Variants in PBK observed in about 807,000 individuals in gnomAD.
PBK encodes PDZ binding kinase, also known as lymphokine-activated killer T-cell-originated protein kinase.
PBK carries 22 observed loss-of-function variants against 33.5 expected under a neutral mutation model. The observed-to-expected ratio is 0.66, with a 90% CI of 0.47 to 0.94. The LOEUF is 0.94. Among genes scored for constraint, PBK ranks in the 40% least tolerant of loss-of-function variants. The pLI is 0.00. For synonymous variants in PBK, 129 were observed against 123.8 expected (o/e 1.04, Z -0.28); for missense variants, 376 against 383.4 (o/e 0.98, Z 0.16).
At chr8:27,816,578 G>A (rs1041861071) in intron 6 of PBK, among the ~76,000 whole-genome samples, 5 of 151,406 alleles carry the variant, frequency 3.3e-5, no homozygotes, top group African/African-American at 1.2e-4. Flanking sequence ...GGGTTTCACT[G>A]TGTTAGCCAG....
rs1805687424 is a variant in PBK, at chr8:27,811,688, C to CCATT, written c.596-555_596-554insAATG. 2.0e-5 allele frequency among the ~76,000 whole-genome samples: 3 copies of CCATT among 152,210 alleles called. No homozygotes were observed. The South Asian group carries it at 6.2e-4, about 32-fold the overall frequency. ...TTGTCAATTTCAATGAAAAAGCCAG[C>CCATT]TAAAATTCTCATTAGGATTGGACTA... On this transcript the variant is annotated intron_variant, in intron 6 of 7. Coordinates refer to ENST00000301905, the MANE Select transcript of PBK (RefSeq NM_018492.4).
At chr8:27,819,488 A>G (rs1450333254) in intron 6 of PBK, among the ~76,000 whole-genome samples, 1 of 152,088 alleles carries the variant, frequency 6.6e-6, no homozygotes, top group Non-Finnish European at 1.5e-5. Context: ...AGTGTTTTAA[A>G]TTCCTAAAAA....
At chr8:27,833,331 G>A (rs1481062504) in intron 1 of PBK, among the ~76,000 whole-genome samples, 198 bp from the exon 2 acceptor site, 1 of 152,084 alleles carries the variant, frequency 6.6e-6, no homozygotes, top group Non-Finnish European at 1.5e-5. Context: ...CCAATATGGA[G>A]AAACCCCGTC....
intron 1 of PBK, among the ~76,000 whole-genome samples, chr8:27,836,904 A>G (rs1270436464): frequency 1.3e-5 from 2 of 152,150 alleles, no homozygotes. Flanking sequence ...ACTTTTTTCC[A>G]GACTGCACAC....
chr8:27,825,652 C>T (rs963446319), intron 3 of PBK, among the ~76,000 whole-genome samples: 1 of 152,042 alleles, frequency 6.6e-6, no homozygotes, highest in African/African-American at 2.4e-5. Context: ...ACTAAATGCT[C>T]AATGAGTTTT....
At chr8:27,826,744 C>G (rs1173713397) in intron 3 of PBK, among the ~76,000 whole-genome samples, 2 of 105,712 alleles carry the variant, frequency 1.9e-5, no homozygotes, top group Admixed American at 9.1e-5. Context: ...TGCAGTGAGC[C>G]GAGATCGCGC....
chr8:27,834,179 C>G (rs1021000241), intron 1 of PBK, among the ~76,000 whole-genome samples: 1 of 152,072 alleles, frequency 6.6e-6, no homozygotes, highest in Non-Finnish European at 1.5e-5. Context: ...CAGCGCCCAC[C>G]ACCACACCTG....
At chr8:27,830,852 G>A (rs999483239) in intron 2 of PBK, among the ~76,000 whole-genome samples, 2 of 152,068 alleles carry the variant, frequency 1.3e-5, no homozygotes, top group Non-Finnish European at 2.9e-5. Context: ...ATATAAAGAC[G>A]CAAATAGGGC....
Position 27,822,404 on chromosome 8 carries a change from A to G in PBK, c.380T>C (p.Ile127Thr), listed in dbSNP as rs201842147. 8.1e-6 allele frequency: 13 copies of G among 1,613,172 alleles called. No homozygotes were observed. The Admixed American group carries it at 1.2e-4, about 14-fold the overall frequency. ...TTGGCTGGCTTTATATCGTTCTTCT[A>G]TTAAGTCATTTAGAGACTTTTCACC... ...YGGEKSLNDL[I>T]EERYKASQDP... Residue 127 changes from isoleucine to threonine, a missense_variant, in exon 5 of 8, where the codon ATA (isoleucine) becomes ACA (threonine). By Grantham distance (89) the Ile-to-Thr change is moderately conservative. Transcript: ENST00000301905.
intron 6 of PBK, among the ~76,000 whole-genome samples, chr8:27,819,054 A>G (rs747622604): frequency 3.3e-5 from 5 of 152,040 alleles, no homozygotes; most frequent in Non-Finnish European, 5.9e-5. Flanking sequence ...CTCATGTTCT[A>G]TTTTTCTGCC....
chr8:27,813,021 G>A (rs886440985), intron 6 of PBK, among the ~76,000 whole-genome samples: 8 of 152,120 alleles, frequency 5.3e-5, no homozygotes, highest in East Asian at 1.9e-4. Flanking sequence ...ACATGTACAC[G>A]TTTATGTTTA....
At chr8:27,816,039 T>C (rs1261490593) in intron 6 of PBK, among the ~76,000 whole-genome samples, 1 of 152,168 alleles carries the variant, frequency 6.6e-6, no homozygotes, top group Non-Finnish European at 1.5e-5. Flanking sequence ...TGAAAAATGA[T>C]GAAACTGGAG....
At position 27,823,203 on chromosome 8, in the gene PBK, G is replaced by A. The variant is rs1443900189; in HGVS notation, c.155C>T (p.Ser52Phe). The A allele has an allele frequency of 1.3e-6, 2 of 1,488,200 alleles. No homozygotes were observed. Among genetic ancestry groups the A allele is most frequent in the East Asian group, 2.4e-5 (1 of 42,258 alleles). 92.2% of individuals were successfully genotyped at this position (1,488,200 alleles called of 1,614,324 possible). ...AGGAGAATGAGACAAACCTCTTGGA[G>A]ATCTAAGAAAAAAATTCATTTAAAA... ...TGVNVYLMKR[S>F]PRGLSHSPWA... is the part of the protein sequence containing the mutation. The change falls in exon 4 of 8, where the codon TCT becomes TTT. Residue 52 changes from serine (S) to phenylalanine (F), a missense_variant and splice_region_variant. By Grantham distance (155) the Ser-to-Phe change is radical. Coordinates refer to ENST00000301905, the MANE Select transcript of PBK (RefSeq NM_018492.4).
intron 6 of PBK, among the ~76,000 whole-genome samples, chr8:27,818,479 C>A (rs28655184): frequency 0.16 from 23,945 of 152,150 alleles, 2,388 homozygotes; most frequent in East Asian, 0.37. Context: ...AGATAATTTA[C>A]ACAGTGTGAT....
intron 6 of PBK, among the ~76,000 whole-genome samples, chr8:27,818,055 T>G (rs1441653569): frequency 2.0e-5 from 3 of 152,188 alleles, no homozygotes; most frequent in Admixed American, 1.3e-4. Context: ...TCCAATGCTT[T>G]TTCACCCTCC....
At chr8:27,816,007 T>A (rs548783374) in intron 6 of PBK, among the ~76,000 whole-genome samples, 7 of 152,192 alleles carry the variant, frequency 4.6e-5, no homozygotes, top group Non-Finnish European at 7.3e-5. Context: ...TAAGCAGACA[T>A]GCTTTAGTTA....
At chr8:27,826,542 T>TGAA (rs1197641548) in intron 3 of PBK, among the ~76,000 whole-genome samples, 1 of 146,156 alleles carries the variant, frequency 6.8e-6, no homozygotes, top group East Asian at 2.3e-4. Context: ...ATCAGCTATT[T>TGAA]GCCCAGCACT....
Position 27,809,784 on chromosome 8 carries a change from G to T in PBK, c.*521C>A, listed in dbSNP as rs1361230247. On this transcript the variant is annotated 3_prime_UTR_variant, in exon 8 of 8. Transcript: ENST00000301905. The stretch of plus-strand genomic sequence containing the variant: ...AAACCAAAGATCTGAGGAGATCCAA[G>T]AGATCAAGACAATCTGTAACCAGAG... The T allele has an allele frequency of 6.6e-6, 1 of 152,222 alleles. No homozygotes were observed. The highest frequency in any genetic ancestry group is 2.4e-5 in the African/African-American group (1 of 41,430). The allele number at this position is 152,222 out of a possible 1,614,324, so 9.4% of individuals were successfully genotyped here. A position where few individuals can be genotyped will look rare whatever the true frequency, so the allele number is the denominator to read the frequency against.
intron 1 of PBK, among the ~76,000 whole-genome samples, chr8:27,835,448 C>T (rs560405969): frequency 5.9e-5 from 9 of 152,226 alleles, no homozygotes; most frequent in Admixed American, 2.0e-4. Flanking sequence ...GGAGGTATTT[C>T]TACTTCGGAA....
Sources: gnomAD v4.1 joint callset for allele counts (sites outside exome capture counted in the v4.1 genomes callset) on GRCh38, gnomAD v4.1.1 for gene constraint, MANE v1.5 for transcripts, NCBI Gene and HGNC (gene_info 2026-07-23, HGNC 2026-07-21) for gene names.